PHYHD1: variants seen among roughly 807,000 people sequenced by gnomAD.
PHYHD1 encodes phytanoyl-CoA dioxygenase domain containing 1, also known as phytanoyl-CoA dioxygenase domain-containing protein 1.
A neutral mutation model predicts 43.6 loss-of-function variants in PHYHD1; 42 were observed. The ratio of observed to expected loss-of-function variants is 0.96; its 90% CI spans 0.75 to 1.25. The LOEUF is 1.25. PHYHD1 is among the 50% of genes most tolerant of loss of function. The pLI is 0.00. For missense variants in PHYHD1, 342 were observed against 370.8 expected (o/e 0.92, Z 0.64); for synonymous variants, 139 against 143.6 (o/e 0.97, Z 0.23).
chr9:128,926,085 T>C (rs1353119235), intron 3 of PHYHD1, among the ~76,000 whole-genome samples: 1 of 152,186 alleles, frequency 6.6e-6, no homozygotes, highest in Non-Finnish European at 1.5e-5. Context: ...CTGGCTTGCT[T>C]ATAGCCATAC....
intron 3 of PHYHD1, among the ~76,000 whole-genome samples, chr9:128,922,652 G>C (rs776705770): frequency 2.0e-5 from 3 of 152,220 alleles, no homozygotes; most frequent in South Asian, 2.1e-4. Context: ...AACGCTGTTG[G>C]GGGGCGCAGC....
intron 3 of PHYHD1, among the ~76,000 whole-genome samples, chr9:128,924,733 G>A (rs17432748): frequency 6.6e-6 from 1 of 151,624 alleles, no homozygotes; most frequent in Non-Finnish European, 1.5e-5. Context: ...TCAGGAGTTC[G>A]AGACCAGCCT....
At chr9:128,932,171 TATTATTATTA>T (rs1222972150) in intron 4 of PHYHD1, among the ~76,000 whole-genome samples, 10 of 118,378 alleles carry the variant, frequency 8.4e-5, no homozygotes, top group Admixed American at 2.7e-4. Flanking sequence ...TTATTATTGT[TATTATTATTA>T]TTATTTTTTT....
chr9:128,924,741 C>G (rs1841092061), intron 3 of PHYHD1, among the ~76,000 whole-genome samples: 1 of 151,452 alleles, frequency 6.6e-6, no homozygotes, highest in South Asian at 2.1e-4. Flanking sequence ...TCGAGACCAG[C>G]CTGGCCAACA....
At position 128,940,465 on chromosome 9, in the gene PHYHD1, G is replaced by A. The variant is rs1422234155; in HGVS notation, c.554G>A (p.Gly185Asp). 1 of 1,614,044 alleles carries A rather than the reference G, an allele frequency of 6.2e-7. No homozygotes were observed. Among genetic ancestry groups the A allele is most frequent in the Non-Finnish European group, 8.5e-7 (1 of 1,180,040 alleles). ...GTGGAGGATGCCACGCTGGAGAACG[G>A]CTGTCTCTGGTTCATCCCTGGCTCC... ...IAVEDATLEN[G>D]CLWFIPGSHT... The change falls in exon 10 of 13, where the codon GGC becomes GAC. Residue 185 changes from glycine (G) to aspartate (D), a missense_variant. Gly to Asp is a moderately conservative substitution (Grantham distance 94). Transcript: ENST00000372592.
intron 3 of PHYHD1, among the ~76,000 whole-genome samples, chr9:128,924,993 A>G (rs1037536722): frequency 1.7e-4 from 26 of 152,198 alleles, no homozygotes; most frequent in Non-Finnish European, 2.9e-5. Context: ...TTACTGGATC[A>G]AGGGTATGTT....
chr9:128,940,567 A>T, intron 10 of PHYHD1, 32 bp from the exon 11 acceptor site: 2 of 1,613,840 alleles, frequency 1.2e-6, no homozygotes, highest in Non-Finnish European at 1.7e-6. Flanking sequence ...TTGAGAAAGG[A>T]GGAGTTTAAG....
intron 6 of PHYHD1, 58 bp downstream of exon 6, chr9:128,934,116 G>C: frequency 6.5e-7 from 1 of 1,548,162 alleles, no homozygotes; most frequent in Non-Finnish European, 8.9e-7. Context: ...GGGAGTGGTG[G>C]CTTACACTTG....
rs538691309 is a variant in PHYHD1, at chr9:128,940,652, A to G, written c.640A>G (p.Ser214Gly). The G allele has an allele frequency of 4.3e-6, 7 of 1,614,160 alleles. No individual in the cohort carries two copies. The East Asian group carries it at 1.3e-4, about 31-fold the overall frequency. Residue 214 changes from serine (S) to glycine (G), a missense_variant, in exon 11 of 13, where the codon AGC becomes GGC. Physicochemically the swap from Ser to Gly is moderately conservative, Grantham distance 56 (BLOSUM62 0). Transcript: ENST00000372592. ...RAPVGSAPGT[S>G]FLGSEPARDN... ...CCCTGTTGGCTCAGCGCCTGGTACC[A>G]GCTTCCTTGGGTCAGAGCCAGCCCG...
Position 128,941,880 on chromosome 9 carries a change from A to C in PHYHD1, c.*167A>C, listed in dbSNP as rs1455073830. The C allele has an allele frequency of 2.4e-6, 2 of 845,334 alleles. No individual in the cohort carries two copies. Among genetic ancestry groups the C allele is most frequent in the Non-Finnish European group, 3.6e-6 (2 of 548,616 alleles). The allele number at this position is 845,334 out of a possible 1,614,324, so 52.4% of individuals were successfully genotyped here. On this transcript the variant is annotated 3_prime_UTR_variant, in exon 13 of 13. Transcript: ENST00000372592. ...CCTAGGCTGGGTCAGGGGCTTCCCT[A>C]AGATCTTCACCTCTCTGCCTCCCTA...
chr9:128,937,464 C>T (rs1841452746), intron 8 of PHYHD1, among the ~76,000 whole-genome samples: 1 of 152,186 alleles, frequency 6.6e-6, no homozygotes, highest in Admixed American at 6.6e-5. Context: ...GAAGGCTCAA[C>T]TGCTGGCCTG....
rs1841491459 is a variant in PHYHD1 at position 128,938,889 on chromosome 9, AG to A, written c.457+1113del. 1.5e-5 allele frequency among the ~76,000 whole-genome samples: 2 copies of A among 131,054 alleles called. 1 individual carries two copies. The highest frequency in any genetic ancestry group is 1.7e-4 in the Admixed American group (2 of 11,818). 86.0% of individuals were successfully genotyped at this position (131,054 alleles called of 152,430 possible). A position where few individuals can be genotyped will look rare whatever the true frequency, so the allele number is the denominator to read the frequency against. ...GGTGACAGGGAGCTCATCCCCTCCC[AG>A]GAAGCCCTTTCCTTCCTTGCATGAG... On this transcript the variant is annotated intron_variant, in intron 9 of 12. Coordinates refer to ENST00000372592, the MANE Select transcript of PHYHD1 (RefSeq NM_001100876.2).
chr9:128,926,558 CT>C (rs56677426), intron 3 of PHYHD1, among the ~76,000 whole-genome samples: 36,580 of 118,902 alleles, frequency 0.31, 5,527 homozygotes, highest in Non-Finnish European at 0.37. Context: ...CTTTTTCTTT[CT>C]TTTTTTTTTT....
At position 128,941,782 on chromosome 9, in the gene PHYHD1, G is replaced by C; in HGVS notation, c.*69G>C. 1 of 1,605,172 alleles carries C rather than the reference G, an allele frequency of 6.2e-7. No homozygotes were observed. The highest frequency in any genetic ancestry group is 8.5e-7 in the Non-Finnish European group (1 of 1,172,498). ...TGTGGGCTGTAAACACCAGTGCCTT[G>C]CTCAGCCTCCTGGTTGCAACAGGGA... On this transcript the variant is annotated 3_prime_UTR_variant, in exon 13 of 13. Transcript: ENST00000372592.
Position 128,941,580 on chromosome 9 carries a change from C to G in PHYHD1, c.830+9C>G, listed in dbSNP as rs369820798. The G allele has an allele frequency of 1.4e-5, 23 of 1,614,068 alleles. No homozygotes were observed. In the African/African-American group the frequency reaches 2.7e-4, roughly 19 times the overall value. ...TGGAGCCCGGAGAACTGGTAGGTGA[C>G]AGGGTGGGTGTGTGTGCCCGACAGT... On this transcript the variant is annotated intron_variant, in intron 12 of 12. Coordinates refer to ENST00000372592, the MANE Select transcript of PHYHD1 (RefSeq NM_001100876.2).
intron 4 of PHYHD1, among the ~76,000 whole-genome samples, chr9:128,927,616 AT>A (rs1380743367): frequency 6.6e-6 from 1 of 152,124 alleles, no homozygotes; most frequent in Non-Finnish European, 1.5e-5. Flanking sequence ...TCTCCAGGTG[AT>A]CCACCAGCCT....
chr9:128,923,489 A>C (rs1841056299), intron 3 of PHYHD1, among the ~76,000 whole-genome samples: 1 of 152,260 alleles, frequency 6.6e-6, no homozygotes, highest in Non-Finnish European at 1.5e-5. Context: ...ATAATCATGT[A>C]TAGCCAATCT....
chr9:128,931,467 A>G lies in PHYHD1; in HGVS notation c.193-2315A>G, dbSNP rs146655943. Among the ~76,000 whole-genome samples, 35 of 152,252 alleles carry G rather than the reference A, an allele frequency of 2.3e-4. No individual in the cohort carries two copies. The East Asian group carries it at 5.6e-3, about 24-fold the overall frequency. ...CTCCAGAATCTGTGTCCTAACTGCTATAAGATTCAGCCTCTGGCTGAAGCC... is the reference window on the plus strand; with the variant it reads ...CTCCAGAATCTGTGTCCTAACTGCTGTAAGATTCAGCCTCTGGCTGAAGCC... On this transcript the variant is annotated intron_variant, in intron 4 of 12. Coordinates refer to ENST00000372592, the MANE Select transcript of PHYHD1 (RefSeq NM_001100876.2).
chr9:128,926,570 T>C (rs1841140666), intron 3 of PHYHD1, among the ~76,000 whole-genome samples: 1 of 149,074 alleles, frequency 6.7e-6, no homozygotes, highest in Non-Finnish European at 1.5e-5. Flanking sequence ...TTTTTTTTTT[T>C]TTTTTTCGAG....
Sources: gnomAD v4.1 joint callset for allele counts (sites outside exome capture counted in the v4.1 genomes callset) on GRCh38, gnomAD v4.1.1 for gene constraint, MANE v1.5 for transcripts, NCBI Gene and HGNC (gene_info 2026-07-23, HGNC 2026-07-21) for gene names.